The following H6PD variants were observed in gnomAD, a reference collection of about 807,000 sequenced individuals.
H6PD encodes the protein hexose-6-phosphate dehydrogenase/glucose 1-dehydrogenase, also known as GDH/6PGL endoplasmic bifunctional protein.
A neutral mutation model predicts 61.2 loss-of-function variants in H6PD; 48 were observed. That is an observed-to-expected ratio of 0.78 (90% CI 0.62 to 1.00). H6PD has a LOEUF of 1.00. Ranked by LOEUF, H6PD falls within the 50% of genes least tolerant of loss-of-function variation. H6PD has a pLI of 0.00. For missense variants in H6PD, 1,093 were observed against 1,065.0 expected, an observed-to-expected ratio of 1.03 and a Z score of -0.37; for synonymous variants, 480 against 457.9, an observed-to-expected ratio of 1.05 and a Z score of -0.62.
At chr1:9,248,567 C>T (rs1641258356) in intron 3 of H6PD, among the ~76,000 whole-genome samples, 3 of 151,902 alleles carry the variant, frequency 2.0e-5, no homozygotes, top group African/African-American at 4.8e-5. Context: ...GGGGCAGAGG[C>T]GGGAGGATCA....
At chr1:9,243,734 A>G (rs114695808) in intron 1 of H6PD, among the ~76,000 whole-genome samples, 1 of 151,798 alleles carries the variant, frequency 6.6e-6, no homozygotes, top group Non-Finnish European at 1.5e-5. Context: ...TAGGCTGAAC[A>G]CTAGCCCAGG....
chr1:9,248,277 G>C (rs983684802), intron 3 of H6PD, among the ~76,000 whole-genome samples: 3 of 152,240 alleles, frequency 2.0e-5, no homozygotes, highest in Admixed American at 2.0e-4. Context: ...TCTCTCCCTT[G>C]CTCTTTCTCT....
intron 4 of H6PD, among the ~76,000 whole-genome samples, chr1:9,263,147 C>T (rs1454291624): frequency 6.6e-6 from 1 of 152,144 alleles, no homozygotes; most frequent in Non-Finnish European, 1.5e-5. Context: ...CCCCCTGACC[C>T]CTCAAATACC....
At chr1:9,258,140 T>C (rs1292426401) in intron 3 of H6PD, among the ~76,000 whole-genome samples, 1 of 152,268 alleles carries the variant, frequency 6.6e-6, no homozygotes, top group South Asian at 2.1e-4. Context: ...CCGGGGCTGC[T>C]GTCAGCGTTG....
Position 9,245,384 on chromosome 1 carries a change from A to C in H6PD, c.450A>C (p.Glu150Asp). 2 of 1,614,130 alleles carry C rather than the reference A, an allele frequency of 1.2e-6. No individual in the cohort carries two copies. Among genetic ancestry groups the C allele is most frequent in the Non-Finnish European group, 1.7e-6 (2 of 1,179,988 alleles). ...TCTCAGTGCCACCCTTCGCCTATGA[A>C]GACATTGCCCGCAACATCAACAGTA... Reference protein sequence around the residue: ...FYFSVPPFAYEDIARNINSSC... With the variant: ...FYFSVPPFAYDDIARNINSSC... The change falls in exon 2 of 5, where the codon GAA (glutamate) becomes GAC (aspartate). Residue 150 changes from glutamate to aspartate, a missense_variant. Physicochemically the swap from Glu to Asp is conservative, Grantham distance 45 (BLOSUM62 2). Coordinates refer to ENST00000377403, the MANE Select transcript of H6PD (RefSeq NM_004285.4). The surrounding 1 kb of genome is among the most constrained non-coding windows in gnomAD (Gnocchi z 4.8).
At position 9,266,126 on chromosome 1, in the gene H6PD, TG is replaced by T. The variant is rs1377330598; in HGVS notation, c.*1258del. ...GCGGGGAGAGAGATGGAGCATCGAG[TG>T]ACACTGGGCCATCCAGGCGGCTCTG... On this transcript the variant is annotated 3_prime_UTR_variant, in exon 5 of 5. Transcript: ENST00000377403. 1 of 152,174 alleles carries T rather than the reference TG, an allele frequency of 6.6e-6. No homozygotes were observed. Among genetic ancestry groups the T allele is most frequent in the East Asian group, 1.9e-4 (1 of 5,198 alleles). 9.4% of individuals were successfully genotyped at this position (152,174 alleles called of 1,614,324 possible). A position where few individuals can be genotyped will look rare whatever the true frequency, so the allele number is the denominator to read the frequency against.
Position 9,245,377 on chromosome 1 carries a change from C to T in H6PD, c.443C>T (p.Ala148Val). 1.2e-6 allele frequency: 2 copies of T among 1,614,168 alleles called. No homozygotes were observed. The highest frequency in any genetic ancestry group is 8.5e-7 in the Non-Finnish European group (1 of 1,180,000). The stretch of plus-strand genomic sequence containing the variant: ...TTCTACTTCTCAGTGCCACCCTTCG[C>T]CTATGAAGACATTGCCCGCAACATC... The part of the protein sequence containing the change: ...RIFYFSVPPF[A>V]YEDIARNINS... Residue 148 changes from alanine to valine, a missense_variant, in exon 2 of 5, where the codon GCC (alanine) becomes GTC (valine). Coordinates refer to ENST00000377403, the MANE Select transcript of H6PD (RefSeq NM_004285.4). The surrounding 1 kb of genome is among the most constrained non-coding windows in gnomAD (Gnocchi z 4.8).
Position 9,245,415 on chromosome 1 carries a change from CG to C in H6PD, c.483del (p.Pro162GlnfsTer45). On this transcript the variant is annotated frameshift_variant, in exon 2 of 5. Transcript: ENST00000377403. LOFTEE classifies it high-confidence loss of function. The surrounding 1 kb of genome is among the most constrained non-coding windows in gnomAD (Gnocchi z 4.8). The part of the protein sequence containing the change: ...DIARNINSSC[R>X]PGPGAWLRVV... ...TGCCCGCAACATCAACAGTAGCTGCCGGCCAGGCCCGGGCGCCTGGCTGCGG... is the reference window on the plus strand; with the variant it reads ...TGCCCGCAACATCAACAGTAGCTGCCGCCAGGCCCGGGCGCCTGGCTGCGG... 1.9e-6 allele frequency: 3 copies of C among 1,614,118 alleles called. No homozygotes were observed. The highest frequency in any genetic ancestry group is 2.5e-6 in the Non-Finnish European group (3 of 1,180,010).
intron 3 of H6PD, among the ~76,000 whole-genome samples, chr1:9,250,027 C>T (rs1255804424): frequency 1.3e-5 from 2 of 152,200 alleles, no homozygotes; most frequent in African/African-American, 4.8e-5. Flanking sequence ...CTGCTCTGTG[C>T]TGTCCTCTCT....
chr1:9,262,713 C>T (rs1054681494), intron 4 of H6PD, among the ~76,000 whole-genome samples: 3 of 152,206 alleles, frequency 2.0e-5, no homozygotes, highest in Non-Finnish European at 4.4e-5. Flanking sequence ...AGTGCCATGC[C>T]AGGGCTGTCC....
rs1283412814 is a variant in H6PD at position 9,264,774 on chromosome 1, G to C, written c.2281G>C (p.Val761Leu). Reference sequence around the variant, plus strand: ...TGAGATCACCACGCTGGTGAGCCGGGTGGGCCATGAGCCCAAGAAGTGGCC... The same window carrying C: ...TGAGATCACCACGCTGGTGAGCCGGCTGGGCCATGAGCCCAAGAAGTGGCC... ...KREITTLVSR[V>L]GHEPKKWPIS... is the part of the protein sequence containing the mutation. The change falls in exon 5 of 5, where the codon GTG becomes CTG. Residue 761 changes from valine to leucine, a missense_variant. Physicochemically the swap from Val to Leu is conservative, Grantham distance 32. Coordinates refer to ENST00000377403, the MANE Select transcript of H6PD (RefSeq NM_004285.4). 4 of 1,613,012 alleles carry C rather than the reference G, an allele frequency of 2.5e-6. No individual in the cohort carries two copies. Among genetic ancestry groups the C allele is most frequent in the Non-Finnish European group, 3.4e-6 (4 of 1,180,020 alleles).
rs149463138 is a variant in H6PD at position 9,263,536 on chromosome 1, G to A, written c.1043G>A (p.Arg348His). ...GTCCTAGTGCACATTGACAACCTTC[G>A]CTGGGAGGGCGTGCCTTTCATCCTG... Reference protein sequence around the residue: ...AAVLVHIDNLRWEGVPFILMS... With the variant: ...AAVLVHIDNLHWEGVPFILMS... The change falls in exon 5 of 5, where the codon CGC (arginine) becomes CAC (histidine). Residue 348 changes from arginine to histidine, a missense_variant. Transcript: ENST00000377403. 88 of 1,614,068 alleles carry A rather than the reference G, an allele frequency of 5.5e-5. No individual in the cohort carries two copies. The highest frequency in any genetic ancestry group is 2.5e-4 in the East Asian group (11 of 44,890).
At chr1:9,249,748 A>G (rs556513407) in intron 3 of H6PD, among the ~76,000 whole-genome samples, 4 of 152,312 alleles carry the variant, frequency 2.6e-5, no homozygotes, top group African/African-American at 7.2e-5. Flanking sequence ...AGAGGTGGCC[A>G]GCAGGACTGC....
chr1:9,247,937 T>G (rs1641236970), intron 3 of H6PD, among the ~76,000 whole-genome samples: 1 of 152,232 alleles, frequency 6.6e-6, no homozygotes, highest in African/African-American at 2.4e-5. Context: ...AAGTTTACTG[T>G]GTCCCCAGTC....
Position 9,270,933 on chromosome 1 carries a change from A to G in H6PD, c.*6064A>G, listed in dbSNP as rs1278329055. ...ATGCCTGCCTGGGATGATGAGGCAC[A>G]TTCAGAACAAATGCTTTTTTTTTTT... On this transcript the variant is annotated 3_prime_UTR_variant, in exon 5 of 5. Transcript: ENST00000377403. 1 of 143,042 alleles carries G rather than the reference A, an allele frequency of 7.0e-6. No homozygotes were observed. The highest frequency in any genetic ancestry group is 1.5e-5 in the Non-Finnish European group (1 of 65,978). 8.9% of individuals were successfully genotyped at this position (143,042 alleles called of 1,614,324 possible).
chr1:9,235,308 G>A (rs563732325), intron 1 of H6PD, among the ~76,000 whole-genome samples: 2 of 152,240 alleles, frequency 1.3e-5, no homozygotes, highest in Admixed American at 6.5e-5. Flanking sequence ...GGAACTCCGA[G>A]ATTTCCCCCG....
rs552025338 is a variant in H6PD at position 9,261,995 on chromosome 1, C to T, written c.746-64C>T. ...TGCGGGCTGGGGTTTTGGTGCACCT[C>T]GGGGAGATCTGATGTTCTGGCCTCT... On this transcript the variant is annotated intron_variant, in intron 3 of 4. Transcript: ENST00000377403. The T allele has an allele frequency of 1.3e-3, 1,939 of 1,544,320 alleles. 32 individuals are homozygous for T. The South Asian group carries it at 0.02, about 16-fold the overall frequency.
At position 9,260,503 on chromosome 1, in the gene H6PD, G is replaced by A. The variant is rs115617770; in HGVS notation, c.746-1556G>A. Among the ~76,000 whole-genome samples, 718 of 151,938 alleles carry A rather than the reference G, an allele frequency of 4.7e-3. 6 individuals carry two copies. The highest frequency in any genetic ancestry group is 0.017 in the African/African-American group (685 of 41,362). On this transcript the variant is annotated intron_variant, in intron 3 of 4. Coordinates refer to ENST00000377403, the MANE Select transcript of H6PD (RefSeq NM_004285.4). ...GTTGCTGTTACGCCAGTGTTGTTAC[G>A]TTGCTGTTGTTACACCAGTGTTGTT...
chr1:9,235,111 C>T (rs1640814443), intron 1 of H6PD, 45 bp downstream of exon 1: 1 of 149,380 alleles, frequency 6.7e-6, no homozygotes, highest in African/African-American at 2.4e-5. Context: ...GCCCCGGCGC[C>T]TCCAACCCGC....
Sources: allele counts gnomAD v4.1 joint callset (sites outside exome capture counted in the v4.1 genomes callset), GRCh38; gene constraint gnomAD v4.1.1; non-coding constraint Gnocchi (gnomAD v3.1); transcripts MANE v1.5; gene names NCBI Gene and HGNC (gene_info 2026-07-23, HGNC 2026-07-21).